Variants in POC1B observed in about 807,000 individuals in gnomAD.
POC1B encodes POC1 centriolar protein homolog B.
In POC1B, 44 loss-of-function variants were observed where a neutral mutation model predicts 60.6. That is an observed-to-expected ratio of 0.73 (90% CI 0.57 to 0.93). The LOEUF (loss-of-function observed/expected upper bound fraction) is 0.93. Ranked by LOEUF, POC1B falls within the 40% of genes least tolerant of loss-of-function variation. The pLI is 0.00. For missense variants in POC1B, 555 were observed against 572.3 expected, an observed-to-expected ratio of 0.97 and a Z score of 0.31; for synonymous variants, 180 against 198.9, an observed-to-expected ratio of 0.90 and a Z score of 0.80.
chr12:89,524,487 G>T, intron 2 of POC1B: 1 of 1,613,286 alleles, frequency 6.2e-7, no homozygotes, highest in East Asian at 2.2e-5. Context: ...CGAAGATATA[G>T]GCCACTGTTA....
chr12:89,468,678 TG>T (rs1351104136), intron 7 of POC1B, among the ~76,000 whole-genome samples: 160 of 36,378 alleles, frequency 4.4e-3, no homozygotes, highest in African/African-American at 0.023. Flanking sequence ...TTATTTGTTA[TG>T]TTTATTCAGC....
At chr12:89,428,795 A>G (rs1880890196) in intron 10 of POC1B, 2 of 152,090 alleles carry the variant, frequency 1.3e-5, no homozygotes, top group Admixed American at 6.6e-5. Flanking sequence ...TGACCTCGTG[A>G]TCTGCCCGCC....
intron 4 of POC1B, among the ~76,000 whole-genome samples, chr12:89,481,163 C>G (rs1234710017): frequency 2.6e-5 from 4 of 152,238 alleles, no homozygotes; most frequent in Non-Finnish European, 5.9e-5. Context: ...TGTGAGCCAC[C>G]TGGCTCTAAT....
At chr12:89,502,155 TGGAC>T in intron 2 of POC1B, 1 of 1,184,812 alleles carries the variant, frequency 8.4e-7, no homozygotes, top group African/African-American at 1.5e-5. Context: ...TAGAGGAAAG[TGGAC>T]CTTCCAGGCT....
intron 9 of POC1B, chr12:89,461,502 C>T: frequency 6.6e-6 from 1 of 152,160 alleles, no homozygotes; most frequent in East Asian, 1.9e-4. Flanking sequence ...CTGACAGACA[C>T]ATAAAGTGTC....
the POC1B span, among the ~76,000 whole-genome samples, chr12:89,403,137 A>G: frequency 1.3e-5 from 2 of 151,508 alleles, no homozygotes; most frequent in Admixed American, 1.3e-4. Flanking sequence ...CCTCCCAAGT[A>G]GCTGGCATTA....
chr12:89,476,759 T>TAGATAGATAGACAGACAGACAGATAGAC (rs1485211003), intron 4 of POC1B, among the ~76,000 whole-genome samples: 3 of 58,648 alleles, frequency 5.1e-5, no homozygotes, highest in African/African-American at 1.6e-4. Context: ...GATAGATAGA[T>TAGATAGATAGACAGACAGACAGATAGAC]AGACAGACAG....
downstream of POC1B, among the ~76,000 whole-genome samples, chr12:89,419,463 T>C (rs888270509): frequency 6.6e-6 from 1 of 152,128 alleles, no homozygotes; most frequent in Non-Finnish European, 1.5e-5. Context: ...CAACATCAGG[T>C]TCTAAGAAGT....
intron 2 of POC1B, chr12:89,520,768 T>A (rs149280902): frequency 3.4e-4 from 52 of 152,352 alleles, no homozygotes; most frequent in African/African-American, 1.2e-3. Context: ...GCAACTTTAC[T>A]CGTGAATACA....
In POC1B at chr12:89,491,977, C is replaced by T; in HGVS notation, c.411G>A (p.Leu137=). Reference sequence around the variant, plus strand: ...AGTGTGTATGTCGATACAAGGAATACAGGAAGCGCTGGCGATACATGCTCC... The same window carrying T: ...AGTGTGTATGTCGATACAAGGAATATAGGAAGCGCTGGCGATACATGCTCC... The part of the protein sequence containing the change: ...KVWSMYRQRF[L]YSLYRHTHWV... Residue 137 remains leucine (L), a synonymous_variant, in exon 4 of 12, where the codon CTG becomes CTA. Transcript: ENST00000313546. 1 of 1,591,468 alleles carries T rather than the reference C, an allele frequency of 6.3e-7. No individual in the cohort carries two copies. The highest frequency in any genetic ancestry group is 1.9e-5 in the Admixed American group (1 of 54,036).
At chr12:89,502,150 G>A in intron 2 of POC1B, 4 of 1,194,972 alleles carry the variant, frequency 3.3e-6, no homozygotes, top group Non-Finnish European at 5.0e-6. Flanking sequence ...AGTTTTAGAG[G>A]AAAGTGGACC....
At chr12:89,503,556 G>A (rs1869712451) in intron 2 of POC1B, among the ~76,000 whole-genome samples, 2 of 152,104 alleles carry the variant, frequency 1.3e-5, no homozygotes, top group African/African-American at 4.8e-5. Flanking sequence ...GAAGTGAGGA[G>A]CGTCTCTGCC....
At chr12:89,410,212 T>C in the POC1B span, among the ~76,000 whole-genome samples, 1 of 152,186 alleles carries the variant, frequency 6.6e-6, no homozygotes, top group East Asian at 1.9e-4. Context: ...AACCACATGG[T>C]TATCTCAATA....
intron 10 of POC1B, among the ~76,000 whole-genome samples, chr12:89,450,978 A>C (rs778106512): frequency 1.3e-5 from 2 of 152,228 alleles, no homozygotes; most frequent in African/African-American, 4.8e-5. Flanking sequence ...TGAGGTAAGC[A>C]GAGATATTAA....
At position 89,470,676 on chromosome 12, in the gene POC1B, C is replaced by T. The variant is rs190016819; in HGVS notation, c.677-182G>A. Reference sequence around the variant, plus strand: ...TAGCTCTAAGCTTCCAGTTAGAGAGCCAGAATAACTTTAAAAATGAGACTG... The same window carrying T: ...TAGCTCTAAGCTTCCAGTTAGAGAGTCAGAATAACTTTAAAAATGAGACTG... On this transcript the variant is annotated intron_variant, in intron 6 of 11. Transcript: ENST00000313546. Among the ~76,000 whole-genome samples the T allele has an allele frequency of 1.4e-3, 218 of 152,224 alleles. 1 individual carries two copies. Among genetic ancestry groups the T allele is most frequent in the African/African-American group, 5.1e-3 (212 of 41,520 alleles).
intron 4 of POC1B, among the ~76,000 whole-genome samples, chr12:89,487,458 G>A (rs537872420): frequency 6.6e-6 from 1 of 152,212 alleles, no homozygotes; most frequent in South Asian, 2.1e-4. Context: ...CCAGCTGGAA[G>A]AGAGGTAGTC....
In POC1B at chr12:89,525,201, C is replaced by A. The variant is rs908769577; in HGVS notation, c.19G>T (p.Asp7Tyr). 1.2e-6 allele frequency: 2 copies of A among 1,607,496 alleles called. No homozygotes were observed. Among genetic ancestry groups the A allele is most frequent in the African/African-American group, 1.4e-5 (1 of 74,026 alleles). Residue 7 changes from aspartate (D) to tyrosine (Y), a missense_variant, in exon 2 of 12, where the codon GAC (aspartate) becomes TAC (tyrosine). Coordinates refer to ENST00000313546, the MANE Select transcript of POC1B (RefSeq NM_172240.3). MASATE[D>Y]PVLERYFKGH... ...TTGAAATAACGCTCCAGAACGGGGTCCTCCTGGAAAGGAAAGTTGTCAAGT... is the reference window on the plus strand; with the variant it reads ...TTGAAATAACGCTCCAGAACGGGGTACTCCTGGAAAGGAAAGTTGTCAAGT...
chr12:89,428,918 T>C (rs1220773732), intron 10 of POC1B: 1 of 152,154 alleles, frequency 6.6e-6, no homozygotes, highest in African/African-American at 2.4e-5. Context: ...CAAGACAGTT[T>C]TTTTGAAAAA....
intron 3 of POC1B, among the ~76,000 whole-genome samples, chr12:89,493,706 A>G (rs890340854): frequency 3.3e-5 from 5 of 152,222 alleles, no homozygotes; most frequent in Non-Finnish European, 7.3e-5. Flanking sequence ...ACAGACCATC[A>G]GTATCATCAA....
Sources: gnomAD v4.1 joint callset for allele counts (sites outside exome capture counted in the v4.1 genomes callset) on GRCh38, gnomAD v4.1.1 for gene constraint, MANE v1.5 for transcripts, NCBI Gene and HGNC (gene_info 2026-07-23, HGNC 2026-07-21) for gene names.